The following GPC6 variants were observed in gnomAD, a reference collection of about 807,000 sequenced individuals.
GPC6 encodes glypican 6.
A neutral mutation model predicts 55.2 loss-of-function variants in GPC6; 14 were observed. That is an observed-to-expected ratio of 0.25 (90% confidence interval 0.17 to 0.40). GPC6 has a LOEUF of 0.40. Ranked by LOEUF, GPC6 falls within the 10% of genes least tolerant of loss-of-function variation. The pLI, the probability that GPC6 is intolerant of heterozygous loss-of-function variation, is 1.00. For missense variants in GPC6, 641 were observed against 708.5 expected (o/e 0.90, Z 1.08); for synonymous variants, 278 against 259.6 (o/e 1.07, Z -0.68).
intron 4 of GPC6, among the ~76,000 whole-genome samples, chr13:94,126,065 A>G (rs1886797360): frequency 6.6e-6 from 1 of 152,142 alleles, no homozygotes; most frequent in African/African-American, 2.4e-5. Context: ...AACCAAGGCG[A>G]GATTAAGACT....
intron 1 of GPC6, among the ~76,000 whole-genome samples, chr13:93,355,328 T>C (rs979107409): frequency 6.6e-6 from 1 of 152,154 alleles, no homozygotes; most frequent in Non-Finnish European, 1.5e-5. Context: ...AGAGCACACA[T>C]GACACTAGGT....
chr13:93,514,129 T>C (rs1380602303), intron 1 of GPC6, among the ~76,000 whole-genome samples: 6 of 152,152 alleles, frequency 3.9e-5, no homozygotes, highest in African/African-American at 1.4e-4. Context: ...CGCCTCAGCC[T>C]CCCGAAATGC....
intron 2 of GPC6, among the ~76,000 whole-genome samples, chr13:93,635,436 A>G (rs1879651859): frequency 6.6e-6 from 1 of 152,184 alleles, no homozygotes; most frequent in Non-Finnish European, 1.5e-5. Flanking sequence ...TCCTATTTAG[A>G]GTAGAAGATG....
rs1875842846 is a variant in GPC6 at position 93,227,620 on chromosome 13, A to G, written c.160+4A>G. ...ATCCCCTACCAGGAGATCGCAGGTAAGCGCGGGCGCGCTGCAGGGGCAGGC... is the reference window on the plus strand; with the variant it reads ...ATCCCCTACCAGGAGATCGCAGGTAGGCGCGGGCGCGCTGCAGGGGCAGGC... On this transcript the variant is annotated splice_donor_region_variant and intron_variant, in intron 1 of 8. Coordinates refer to ENST00000377047, the MANE Select transcript of GPC6 (RefSeq NM_005708.5). The surrounding 1 kb of genome is among the most constrained non-coding windows in gnomAD (Gnocchi z 4.3). The G allele has an allele frequency of 1.3e-6, 2 of 1,598,408 alleles. No homozygotes were observed. Among genetic ancestry groups the G allele is most frequent in the African/African-American group, 2.7e-5 (2 of 74,716 alleles).
At chr13:93,805,547 A>G (rs1886519034) in intron 2 of GPC6, among the ~76,000 whole-genome samples, 1 of 152,202 alleles carries the variant, frequency 6.6e-6, no homozygotes, top group Non-Finnish European at 1.5e-5. Flanking sequence ...CTACATTTTA[A>G]TAAGAGGTTA....
At chr13:93,896,491 G>A (rs1422028531) in intron 3 of GPC6, among the ~76,000 whole-genome samples, 1 of 151,990 alleles carries the variant, frequency 6.6e-6, no homozygotes, top group Non-Finnish European at 1.5e-5. Context: ...AGCAAGAAGG[G>A]AAAAATGATA....
intron 5 of GPC6, among the ~76,000 whole-genome samples, chr13:94,299,548 A>G (rs898361994): frequency 1.3e-5 from 2 of 152,186 alleles, no homozygotes; most frequent in Non-Finnish European, 2.9e-5. Context: ...CTGGATTAGT[A>G]GTGCCCCTGC....
intron 2 of GPC6, among the ~76,000 whole-genome samples, chr13:93,633,087 C>T (rs1294336444): frequency 6.6e-6 from 1 of 152,156 alleles, no homozygotes; most frequent in Non-Finnish European, 1.5e-5. Context: ...AGTCCCTTTT[C>T]TTATGCATTT....
Position 94,313,246 on chromosome 13 carries a change from G to A in GPC6, c.1152+7123G>A, listed in dbSNP as rs111231224. On this transcript the variant is annotated intron_variant, in intron 6 of 8. Transcript: ENST00000377047. ...AAGGCCCAAGTGGGGAACATCATAAGACACATATATAAAATGATGGCTTAT... is the reference window on the plus strand; with the variant it reads ...AAGGCCCAAGTGGGGAACATCATAAAACACATATATAAAATGATGGCTTAT... 4.3e-3 allele frequency among the ~76,000 whole-genome samples: 657 copies of A among 152,266 alleles called. 3 individuals carry two copies. Among genetic ancestry groups the A allele is most frequent in the Middle Eastern group, 0.01 (3 of 294 alleles).
At chr13:94,039,664 T>C (rs964007558) in intron 4 of GPC6, among the ~76,000 whole-genome samples, 1 of 151,882 alleles carries the variant, frequency 6.6e-6, no homozygotes, top group Non-Finnish European at 1.5e-5. Flanking sequence ...TAGTGTTCTA[T>C]GTTCCTGGGA....
chr13:93,945,699 G>A (rs1249554727), intron 3 of GPC6, among the ~76,000 whole-genome samples: 1 of 152,210 alleles, frequency 6.6e-6, no homozygotes, highest in Non-Finnish European at 1.5e-5. Context: ...AGTTGTGGAT[G>A]AGAATTCTGT....
At chr13:93,547,747 T>C (rs1874906961) in intron 2 of GPC6, among the ~76,000 whole-genome samples, 1 of 151,932 alleles carries the variant, frequency 6.6e-6, no homozygotes, top group African/African-American at 2.4e-5. Context: ...AGAATCTAAA[T>C]GTGATTCTAA....
chr13:93,631,628 T>G (rs1211420851), intron 2 of GPC6, among the ~76,000 whole-genome samples: 1 of 152,212 alleles, frequency 6.6e-6, no homozygotes, highest in Non-Finnish European at 1.5e-5. Flanking sequence ...TACAGTTGCC[T>G]TTTGTTTGTA....
At chr13:94,271,376 GCGCGCGCA>G (rs1293602783) in intron 4 of GPC6, among the ~76,000 whole-genome samples, 11 of 112,280 alleles carry the variant, frequency 9.8e-5, no homozygotes, top group Non-Finnish European at 1.6e-4. Context: ...ACGCGCGCGC[GCGCGCGCA>G]CACACACACA....
intron 1 of GPC6, among the ~76,000 whole-genome samples, chr13:93,319,597 T>C (rs938769440): frequency 6.6e-6 from 1 of 151,834 alleles, no homozygotes; most frequent in Non-Finnish European, 1.5e-5. Flanking sequence ...TCCTAGAAAA[T>C]AGAACAAGTA....
At chr13:93,795,934 G>A (rs1224122299) in intron 2 of GPC6, among the ~76,000 whole-genome samples, 1 of 152,056 alleles carries the variant, frequency 6.6e-6, no homozygotes, top group Non-Finnish European at 1.5e-5. Context: ...TTAAGGCTGG[G>A]TGTGGTGGCA....
At chr13:94,033,858 T>C (rs1370508444) in intron 4 of GPC6, among the ~76,000 whole-genome samples, 1 of 152,170 alleles carries the variant, frequency 6.6e-6, no homozygotes. Context: ...ATCTCTACTT[T>C]ATGTAATACA....
intron 4 of GPC6, among the ~76,000 whole-genome samples, chr13:94,111,472 ATAT>A (rs1886243861): frequency 1.6e-5 from 1 of 64,182 alleles, no homozygotes. Flanking sequence ...CTTAAAGTAA[ATAT>A]AATAATAATA....
intron 5 of GPC6, among the ~76,000 whole-genome samples, chr13:94,288,109 A>G (rs2139086844): frequency 6.6e-6 from 1 of 152,254 alleles, no homozygotes; most frequent in Middle Eastern, 3.4e-3. Flanking sequence ...TCCAGCCCTC[A>G]GTAAGCTTAC....
Sources: allele counts gnomAD v4.1 joint callset (sites outside exome capture counted in the v4.1 genomes callset), GRCh38; gene constraint gnomAD v4.1.1; non-coding constraint Gnocchi (gnomAD v3.1); transcripts MANE v1.5; gene names NCBI Gene and HGNC (gene_info 2026-07-23, HGNC 2026-07-21).